Variants in SDK1 observed in about 807,000 individuals in gnomAD.
The protein encoded by SDK1 is protein sidekick-1.
A neutral mutation model predicts 245.5 loss-of-function variants in SDK1; 157 were observed. The ratio of observed to expected loss-of-function variants is 0.64; its 90% confidence interval spans 0.56 to 0.73. The LOEUF is 0.73. Ranked by LOEUF, SDK1 falls within the 30% of genes least tolerant of loss-of-function variation. The probability of loss-of-function intolerance (pLI) is 0.00; values close to 1 mark genes in which losing one functional copy is unlikely to be tolerated. For synonymous variants in SDK1, 1,647 were observed against 1,278.5 expected, an observed-to-expected ratio of 1.29 and a Z score of -6.15; for missense variants, 3,583 against 3,002.3, an observed-to-expected ratio of 1.19 and a Z score of -4.52.
chr7:3,854,613 G>T (rs1780496128), intron 5 of SDK1, among the ~76,000 whole-genome samples: 1 of 152,162 alleles, frequency 6.6e-6, no homozygotes, highest in Non-Finnish European at 1.5e-5. Context: ...AAATTTTAGA[G>T]TCACATAACT....
chr7:4,168,774 C>T (rs1364162833), intron 32 of SDK1, among the ~76,000 whole-genome samples: 3 of 152,204 alleles, frequency 2.0e-5, no homozygotes, highest in Non-Finnish European at 2.9e-5. Context: ...GGCGAGGTTG[C>T]TTGGCTGGTA....
intron 1 of SDK1, among the ~76,000 whole-genome samples, chr7:3,473,024 C>T (rs998447619): frequency 6.6e-6 from 1 of 152,174 alleles, no homozygotes; most frequent in African/African-American, 2.4e-5. Context: ...TTTTGCTGCT[C>T]TTCTTCCGCC....
At chr7:3,779,824 C>T (rs1307931501) in intron 4 of SDK1, among the ~76,000 whole-genome samples, 7 of 149,486 alleles carry the variant, frequency 4.7e-5, no homozygotes, top group South Asian at 2.1e-4. Flanking sequence ...CCCAGCTACT[C>T]GGGAGGCTGA....
chr7:3,524,181 T>C (rs1021415026), intron 1 of SDK1, among the ~76,000 whole-genome samples: 5 of 152,186 alleles, frequency 3.3e-5, no homozygotes, highest in African/African-American at 1.2e-4. Flanking sequence ...CCGCATTAAT[T>C]GCTTGAGGTA....
intron 4 of SDK1, among the ~76,000 whole-genome samples, chr7:3,653,294 G>T (rs1783065067): frequency 6.6e-6 from 1 of 152,116 alleles, no homozygotes; most frequent in Non-Finnish European, 1.5e-5. Flanking sequence ...TCACTCCAGG[G>T]TCCACGTGTA....
chr7:3,874,766 GACCA>G, intron 5 of SDK1, among the ~76,000 whole-genome samples: 1 of 152,072 alleles, frequency 6.6e-6, no homozygotes, highest in East Asian at 1.9e-4. Context: ...ATTTCTTTCT[GACCA>G]CAGTAAGATT....
At chr7:4,121,814 T>C (rs1318787113) in intron 25 of SDK1, among the ~76,000 whole-genome samples, 1 of 152,202 alleles carries the variant, frequency 6.6e-6, no homozygotes, top group Non-Finnish European at 1.5e-5. Flanking sequence ...CTTTCTTATT[T>C]TGAGGGTTAT....
intron 1 of SDK1, among the ~76,000 whole-genome samples, chr7:3,462,560 A>G (rs1780866441): frequency 2.6e-5 from 4 of 152,164 alleles, no homozygotes; most frequent in African/African-American, 9.7e-5. Context: ...TTAACTTGAT[A>G]TTTCTACTTA....
At chr7:3,572,829 TAG>T (rs1562572064) in intron 1 of SDK1, among the ~76,000 whole-genome samples, 6 of 151,968 alleles carry the variant, frequency 3.9e-5, no homozygotes, top group African/African-American at 1.4e-4. Flanking sequence ...TGGTGAAAAA[TAG>T]AGGGTGCTAT....
At position 3,625,376 on chromosome 7, in the gene SDK1, G is replaced by T. The variant is rs1438238904; in HGVS notation, c.458+6137G>T. 2.0e-5 allele frequency among the ~76,000 whole-genome samples: 3 copies of T among 152,178 alleles called. No individual in the cohort carries two copies. The East Asian group carries it at 5.8e-4, about 29-fold the overall frequency. On this transcript the variant is annotated intron_variant, in intron 2 of 44. Coordinates refer to ENST00000404826, the MANE Select transcript of SDK1 (RefSeq NM_152744.4). The stretch of plus-strand genomic sequence containing the variant: ...AGTTAAAAGGTAAGCAACAAACTGG[G>T]ACAATATTTGCAACAAATCAGACAG...
rs547746472 is a variant in SDK1, at chr7:4,132,270, A to G, written c.4130-55A>G. Reference sequence around the variant, plus strand: ...CCCTCGGAATCCTGTGTAACCTGTCACGCACCCAAGGAACACTGTCTTGAG... The same window carrying G: ...CCCTCGGAATCCTGTGTAACCTGTCGCGCACCCAAGGAACACTGTCTTGAG... On this transcript the variant is annotated intron_variant, in intron 27 of 44. Transcript: ENST00000404826. 1.7e-5 allele frequency: 24 copies of G among 1,393,056 alleles called. No homozygotes were observed. In the African/African-American group the frequency reaches 3.0e-4, roughly 17 times the overall value. The allele number at this position is 1,393,056 out of a possible 1,614,324, so 86.3% of individuals were successfully genotyped here.
chr7:3,892,702 G>A (rs1488493918), intron 5 of SDK1, among the ~76,000 whole-genome samples: 1 of 152,216 alleles, frequency 6.6e-6, no homozygotes, highest in African/African-American at 2.4e-5. Context: ...AGGTGTGACA[G>A]TGTGACAATG....
rs77348859 is a variant in SDK1 at position 3,756,890 on chromosome 7, C to T, written c.714-64560C>T. On this transcript the variant is annotated intron_variant, in intron 4 of 44. Transcript: ENST00000404826. ...ATCATATCGGGGGCACCGGTCATCA[C>T]CATGACTTATTCCTGGCGATGCGAA... is the stretch of plus-strand genomic sequence containing the variant. Among the ~76,000 whole-genome samples, 180 of 152,282 alleles carry T rather than the reference C, an allele frequency of 1.2e-3. 8 individuals are homozygous for T. In the East Asian group the frequency reaches 0.032, roughly 27 times the overall value.
At chr7:3,481,457 C>G (rs1781519486) in intron 1 of SDK1, among the ~76,000 whole-genome samples, 1 of 152,236 alleles carries the variant, frequency 6.6e-6, no homozygotes, top group African/African-American at 2.4e-5. Context: ...CCTCTACACG[C>G]TGTTCTGTGC....
chr7:3,962,974 A>G, intron 9 of SDK1, 123 bp downstream of exon 9: 1 of 467,528 alleles, frequency 2.1e-6, no homozygotes, highest in Middle Eastern at 7.3e-4. Flanking sequence ...ACCTGGACGT[A>G]TCCAGTGAGT....
In SDK1 at chr7:4,037,704, T is replaced by A. The variant is rs17134243; in HGVS notation, c.2603-11644T>A. ...ACAAAGCAAAAAGCAAGTGGGACCA[T>A]AGCATCTTGGATTTTATTAGACGTG... On this transcript the variant is annotated intron_variant, in intron 17 of 44. Transcript: ENST00000404826. Among the ~76,000 whole-genome samples the A allele has an allele frequency of 7.1e-3, 1,081 of 152,144 alleles. 17 individuals carry two copies. The highest frequency in any genetic ancestry group is 0.025 in the African/African-American group (1,048 of 41,530).
At chr7:3,789,155 C>CT (rs1349485623) in intron 4 of SDK1, among the ~76,000 whole-genome samples, 2,082 of 148,768 alleles carry the variant, frequency 0.014, 58 homozygotes, top group African/African-American at 0.048. Flanking sequence ...CTTGTAGCTG[C>CT]TTTTTTTTTT....
intron 4 of SDK1, among the ~76,000 whole-genome samples, chr7:3,672,628 A>G (rs887745305): frequency 1.4e-5 from 2 of 141,230 alleles, no homozygotes; most frequent in African/African-American, 5.2e-5. Context: ...ATATATAATA[A>G]TATATATTAA....
At chr7:3,592,307 C>T (rs549313890) in intron 1 of SDK1, among the ~76,000 whole-genome samples, 1 of 152,278 alleles carries the variant, frequency 6.6e-6, no homozygotes, top group Admixed American at 6.5e-5. Context: ...TGCCGTTTCT[C>T]CCCTCTCCCC....
Sources: gnomAD v4.1 joint callset for allele counts (sites outside exome capture counted in the v4.1 genomes callset) on GRCh38, gnomAD v4.1.1 for gene constraint, MANE v1.5 for transcripts, NCBI Gene and HGNC (gene_info 2026-07-23, HGNC 2026-07-21) for gene names.